RBFOX2: variants seen among roughly 807,000 people sequenced by gnomAD.
RBFOX2 encodes RNA binding protein fox-1 homolog 2.
Under a neutral mutation model 49.1 loss-of-function variants are expected in RBFOX2, and 10 were observed. The ratio of observed to expected loss-of-function variants is 0.20; its 90% CI spans 0.13 to 0.35. RBFOX2 has a LOEUF of 0.35. Ranked by LOEUF, RBFOX2 falls within the 10% of genes least tolerant of loss-of-function variation. RBFOX2 has a pLI of 1.00. For missense variants in RBFOX2, 323 were observed against 486.9 expected, an observed-to-expected ratio of 0.66 and a Z score of 3.17; for synonymous variants, 183 against 187.4, an observed-to-expected ratio of 0.98 and a Z score of 0.19.
intron 1 of RBFOX2, among the ~76,000 whole-genome samples, chr22:35,867,968 T>A (rs2043880932): frequency 6.6e-6 from 1 of 152,166 alleles, no homozygotes; most frequent in Non-Finnish European, 1.5e-5. Context: ...CTCAGCACTT[T>A]GGGAGGCTGA....
chr22:35,987,506 G>C (rs2057773013), intron 1 of RBFOX2, among the ~76,000 whole-genome samples: 1 of 152,210 alleles, frequency 6.6e-6, no homozygotes, highest in Non-Finnish European at 1.5e-5. Flanking sequence ...CTGAACAGGA[G>C]ATGTTTCAGT....
Position 35,938,839 on chromosome 22 carries a change from A to G in RBFOX2, c.-34+8T>C. On this transcript the variant is annotated splice_region_variant and intron_variant, in intron 1 of 13. Coordinates refer to the RBFOX2 transcript ENST00000359369. ...ACATCATCTGAGTTACAAACAGCAG[A>G]TACCAACCTGGCTGTCCCGCGCTGG... 2 of 1,612,480 alleles carry G rather than the reference A, an allele frequency of 1.2e-6. No individual in the cohort carries two copies. The highest frequency in any genetic ancestry group is 1.7e-6 in the Non-Finnish European group (2 of 1,178,478).
intron 2 of RBFOX2, among the ~76,000 whole-genome samples, chr22:35,793,815 A>G (rs1361164606): frequency 6.6e-6 from 1 of 152,226 alleles, no homozygotes; most frequent in Non-Finnish European, 1.5e-5. Context: ...AATGTAAGCT[A>G]ACTTTTTTTA....
upstream of RBFOX2, among the ~76,000 whole-genome samples, chr22:35,845,302 T>C (rs966462405): frequency 6.6e-6 from 1 of 151,792 alleles, no homozygotes; most frequent in Non-Finnish European, 1.5e-5. Flanking sequence ...CCCCTTAACA[T>C]AAATGAAGTC....
At position 35,794,221 on chromosome 22, in the gene RBFOX2, A is replaced by T. The variant is rs930887356; in HGVS notation, c.253-12475T>A. On this transcript the variant is annotated intron_variant, in intron 2 of 11. Coordinates refer to ENST00000405409, the Ensembl canonical transcript of RBFOX2. The stretch of plus-strand genomic sequence containing the variant: ...TCTCTATGGATGTCTTTTTTTTTTT[A>T]AATCACCATTTGCATGGAGAAGCAG... 4.6e-5 allele frequency among the ~76,000 whole-genome samples: 7 copies of T among 151,336 alleles called. No individual in the cohort carries two copies. In the South Asian group the frequency reaches 1.0e-3, roughly 23 times the overall value.
At chr22:35,782,610 C>T (rs140955249) in intron 2 of RBFOX2, among the ~76,000 whole-genome samples, 4 of 152,304 alleles carry the variant, frequency 2.6e-5, no homozygotes, top group East Asian at 3.9e-4. Context: ...CGTGAGCCAC[C>T]GTGCCTGGCC....
rs1055226572 is a variant in RBFOX2 at position 35,974,504 on chromosome 22, T to A, written c.187-35607A>T. Reference sequence around the variant, plus strand: ...GAGTTGAATACCAGCCTGACCAATGTGGTGAAATCCTGTCTCTACTAAAAA... The same window carrying A: ...GAGTTGAATACCAGCCTGACCAATGAGGTGAAATCCTGTCTCTACTAAAAA... On this transcript the variant is annotated intron_variant, in intron 1 of 13. Coordinates refer to the RBFOX2 transcript ENST00000438146. Among the ~76,000 whole-genome samples the A allele has an allele frequency of 3.2e-3, 494 of 152,130 alleles. 2 individuals are homozygous for A. Among genetic ancestry groups the A allele is most frequent in the Middle Eastern group, 0.01 (3 of 294 alleles).
chr22:35,795,608 A>G (rs1220969574), intron 2 of RBFOX2, among the ~76,000 whole-genome samples: 1 of 140,790 alleles, frequency 7.1e-6, no homozygotes, highest in Non-Finnish European at 1.5e-5. Context: ...TAAACTCCAG[A>G]GAAGGGGTGT....
chr22:35,755,237 C>T (rs1397597535), intron 9 of RBFOX2, among the ~76,000 whole-genome samples: 1 of 152,206 alleles, frequency 6.6e-6, no homozygotes, highest in Non-Finnish European at 1.5e-5. Flanking sequence ...CTAAATCAAG[C>T]TTGCATTCAG....
intron 1 of RBFOX2, among the ~76,000 whole-genome samples, chr22:35,913,477 TTGTGTGTGTGTG>T (rs61402464): frequency 3.5e-5 from 5 of 143,500 alleles, no homozygotes; most frequent in East Asian, 4.0e-4. Flanking sequence ...GTTATTTCTA[TTGTGTGTGTGTG>T]TGTGTGTGTG....
At chr22:35,942,948 CACTT>C (rs2053862308), upstream of RBFOX2, among the ~76,000 whole-genome samples, 1 of 152,130 alleles carries the variant, frequency 6.6e-6, no homozygotes, top group African/African-American at 2.4e-5. Flanking sequence ...CTATATATCT[CACTT>C]AGTCCTCACA....
At chr22:35,844,022 G>C (rs1188795664), upstream of RBFOX2, among the ~76,000 whole-genome samples, 5 of 152,108 alleles carry the variant, frequency 3.3e-5, no homozygotes, top group African/African-American at 1.2e-4. Flanking sequence ...CATCTCTTCT[G>C]AACACCATGT....
At chr22:35,806,610 A>G (rs931734119) in intron 2 of RBFOX2, among the ~76,000 whole-genome samples, 1 of 152,210 alleles carries the variant, frequency 6.6e-6, no homozygotes, top group Non-Finnish European at 1.5e-5. Context: ...TGGATGTAAA[A>G]GGTACAAAAA....
At chr22:35,752,433 G>A (rs1216354653) in intron 9 of RBFOX2, among the ~76,000 whole-genome samples, 1 of 152,172 alleles carries the variant, frequency 6.6e-6, no homozygotes, top group African/African-American at 2.4e-5. Flanking sequence ...CATTATGTAC[G>A]GAATGTGACT....
chr22:36,003,518 T>C (rs903754961), intron 1 of RBFOX2, among the ~76,000 whole-genome samples: 4 of 152,226 alleles, frequency 2.6e-5, no homozygotes, highest in African/African-American at 9.6e-5. Context: ...CTGACAGTAC[T>C]GGGTACCTCT....
chr22:35,997,186 T>A (rs1463233215), intron 1 of RBFOX2: 1 of 152,206 alleles, frequency 6.6e-6, no homozygotes, highest in Non-Finnish European at 1.5e-5. Context: ...GGCTTACAGC[T>A]CAAATGGTTT....
intron 1 of RBFOX2, among the ~76,000 whole-genome samples, chr22:35,852,752 T>C (rs2042085692): frequency 6.6e-6 from 1 of 152,218 alleles, no homozygotes; most frequent in Non-Finnish European, 1.5e-5. Context: ...TAATGAACTA[T>C]GACTGACTAA....
chr22:35,785,419 A>C (rs1946180965), intron 2 of RBFOX2, among the ~76,000 whole-genome samples: 1 of 152,298 alleles, frequency 6.6e-6, no homozygotes, highest in South Asian at 2.1e-4. Flanking sequence ...ATACTTTTAA[A>C]ACAGGAGTGG....
At chr22:35,863,191 AAT>A (rs937720873) in intron 1 of RBFOX2, among the ~76,000 whole-genome samples, 34 of 152,268 alleles carry the variant, frequency 2.2e-4, no homozygotes, top group Admixed American at 7.2e-4. Flanking sequence ...CATTTTACAA[AAT>A]ATGTTATTTT....
Sources: gnomAD v4.1 joint callset for allele counts (sites outside exome capture counted in the v4.1 genomes callset) on GRCh38, gnomAD v4.1.1 for gene constraint, MANE v1.5 for transcripts, NCBI Gene and HGNC (gene_info 2026-07-23, HGNC 2026-07-21) for gene names.